UGGT2: variants seen among roughly 807,000 people sequenced by gnomAD.
The protein encoded by UGGT2 is UDP-glucose glycoprotein glucosyltransferase 2.
Under a neutral mutation model 192.1 loss-of-function variants are expected in UGGT2, and 180 were observed. The ratio of observed to expected loss-of-function variants is 0.94; its 90% confidence interval spans 0.83 to 1.06. The LOEUF (loss-of-function observed/expected upper bound fraction) is 1.06, where lower values mean the gene tolerates loss of function less well. Ranked by LOEUF, UGGT2 falls within the 50% of genes least tolerant of loss-of-function variation. UGGT2 has a pLI of 0.00. For synonymous variants in UGGT2, 580 were observed against 591.0 expected, an observed-to-expected ratio of 0.98 and a Z score of 0.27; for missense variants, 1,849 against 1,795.7, an observed-to-expected ratio of 1.03 and a Z score of -0.54.
At chr13:95,856,640 C>T in intron 33 of UGGT2, 1 of 430,180 alleles carries the variant, frequency 2.3e-6, no homozygotes, top group East Asian at 6.9e-5. Flanking sequence ...TTGTTAACAT[C>T]TGACTTGAGA....
At chr13:96,048,051 C>T (rs964461110) in intron 1 of UGGT2, among the ~76,000 whole-genome samples, 10 of 152,288 alleles carry the variant, frequency 6.6e-5, no homozygotes, top group Admixed American at 4.6e-4. Flanking sequence ...CAGCACCACA[C>T]CGCACTTATT....
At position 95,928,414 on chromosome 13, in the gene UGGT2, C is replaced by T. The variant is rs970802572; in HGVS notation, c.1978-1078G>A. ...CTTCCCGGACGGGGCGGCTGCCGGG[C>T]GGAGGGGCTCCTCACTTCCCAGATG... On this transcript the variant is annotated intron_variant, in intron 17 of 38. Transcript: ENST00000376747. 2.0e-5 allele frequency among the ~76,000 whole-genome samples: 3 copies of T among 150,982 alleles called. No individual in the cohort carries two copies. In the South Asian group the frequency reaches 6.3e-4, roughly 32 times the overall value.
At chr13:95,902,617 T>A (rs1172424800) in intron 21 of UGGT2, among the ~76,000 whole-genome samples, 1 of 151,932 alleles carries the variant, frequency 6.6e-6, no homozygotes, top group Admixed American at 6.6e-5. Flanking sequence ...CTAACTAGAA[T>A]GCCATCAACT....
At chr13:95,806,178 A>C (rs1437202308) in intron 38 of UGGT2, among the ~76,000 whole-genome samples, 11 of 152,176 alleles carry the variant, frequency 7.2e-5, no homozygotes, top group Admixed American at 7.2e-4. Context: ...GTAAACACTA[A>C]CATCAAAAAA....
At chr13:95,947,773 T>G (rs2049926309) in intron 14 of UGGT2, among the ~76,000 whole-genome samples, 1 of 152,124 alleles carries the variant, frequency 6.6e-6, no homozygotes, top group Non-Finnish European at 1.5e-5. Flanking sequence ...TCCAGAGTGA[T>G]CAGATTATTC....
intron 17 of UGGT2, among the ~76,000 whole-genome samples, chr13:95,930,873 G>A (rs761830981): frequency 2.6e-5 from 4 of 152,182 alleles, no homozygotes. Context: ...AGGAGTGAAG[G>A]TGCAGACTTT....
At chr13:95,860,637 T>A in intron 32 of UGGT2, 151 bp downstream of exon 32, 1 of 421,070 alleles carries the variant, frequency 2.4e-6, no homozygotes, top group Non-Finnish European at 4.2e-6. Context: ...AAAAATAATA[T>A]TATGGGTTTC....
chr13:96,033,906 G>A (rs940006404), intron 1 of UGGT2, among the ~76,000 whole-genome samples: 2 of 152,208 alleles, frequency 1.3e-5, no homozygotes, highest in Admixed American at 1.3e-4. Flanking sequence ...GTTAATGGTG[G>A]CAGGGAGCAG....
intron 9 of UGGT2, chr13:95,985,301 T>C (rs751628251): frequency 2.6e-5 from 33 of 1,293,016 alleles, no homozygotes; most frequent in South Asian, 8.4e-5. Flanking sequence ...CATTTAAAGT[T>C]GACTGAAAGA....
At chr13:95,920,507 A>G (rs1174138613) in intron 20 of UGGT2, among the ~76,000 whole-genome samples, 1 of 152,204 alleles carries the variant, frequency 6.6e-6, no homozygotes, top group Non-Finnish European at 1.5e-5. Context: ...ACAAGAAAAA[A>G]ACAAACGACA....
intron 20 of UGGT2, among the ~76,000 whole-genome samples, chr13:95,925,281 C>A (rs989906789): frequency 1.8e-4 from 28 of 152,086 alleles, no homozygotes; most frequent in Admixed American, 1.4e-3. Flanking sequence ...CTTAGTTTTT[C>A]TTAAATAATC....
At chr13:95,899,631 C>A (rs2048046650) in intron 22 of UGGT2, among the ~76,000 whole-genome samples, 1 of 151,920 alleles carries the variant, frequency 6.6e-6, no homozygotes, top group Admixed American at 6.6e-5. Context: ...AGGTAAGGCA[C>A]TAGATAAAAC....
rs761887754 is a variant in UGGT2, at chr13:96,013,438, T to C, written c.529A>G (p.Asn177Asp). The C allele has an allele frequency of 1.2e-6, 2 of 1,601,514 alleles. No homozygotes were observed. Among genetic ancestry groups the C allele is most frequent in the Admixed American group, 1.8e-5 (1 of 56,452 alleles). Residue 177 changes from asparagine (N) to aspartate (D), a missense_variant, in exon 5 of 39, where the codon AAC (asparagine) becomes GAC (aspartate). By Grantham distance (23) the Asn-to-Asp change is conservative. Coordinates refer to ENST00000376747, the MANE Select transcript of UGGT2 (RefSeq NM_020121.4). ...ATCACCACTGGTAAGTTCTCTTTGT[T>C]TGTAGGAAATTTGTGATCTCCTTTA... The part of the protein sequence containing the change: ...LFKGDHKFPT[N>D]KENLPVVILY...
chr13:95,926,697 A>T (rs1594347040), intron 19 of UGGT2, among the ~76,000 whole-genome samples: 1 of 152,286 alleles, frequency 6.6e-6, no homozygotes, highest in East Asian at 1.9e-4. Flanking sequence ...ATCAGAATGC[A>T]GAAGAATTAT....
intron 12 of UGGT2, among the ~76,000 whole-genome samples, chr13:95,963,822 G>C (rs1428270856): frequency 6.6e-6 from 1 of 152,030 alleles, no homozygotes; most frequent in Non-Finnish European, 1.5e-5. Flanking sequence ...TTTAACCAAG[G>C]AGGTAAAAGA....
chr13:95,938,752 T>G (rs1197253211), intron 16 of UGGT2, among the ~76,000 whole-genome samples: 1 of 152,124 alleles, frequency 6.6e-6, no homozygotes, highest in Non-Finnish European at 1.5e-5. Context: ...CCCTGGGAGT[T>G]ACCCTTGACA....
intron 7 of UGGT2, chr13:95,995,273 T>A (rs2051582345): frequency 6.6e-6 from 1 of 152,164 alleles, no homozygotes; most frequent in East Asian, 1.9e-4. Context: ...TGAAAAAAAG[T>A]TAATCCTTGC....
chr13:95,996,264 G>A, intron 6 of UGGT2, 129 bp from the exon 7 acceptor site: 1 of 708,288 alleles, frequency 1.4e-6, no homozygotes, highest in South Asian at 1.7e-5. Context: ...CACTTTGGGA[G>A]GCCGAGGTGG....
At chr13:95,986,872 G>GT (rs1047727797) in intron 8 of UGGT2, among the ~76,000 whole-genome samples, 2 of 151,966 alleles carry the variant, frequency 1.3e-5, no homozygotes, top group Non-Finnish European at 2.9e-5. Flanking sequence ...TTTCAACATT[G>GT]TTTTACCTTT....
Sources: gnomAD v4.1 joint callset for allele counts (sites outside exome capture counted in the v4.1 genomes callset) on GRCh38, gnomAD v4.1.1 for gene constraint, MANE v1.5 for transcripts, NCBI Gene and HGNC (gene_info 2026-07-23, HGNC 2026-07-21) for gene names.